CETN2: variants seen among roughly 807,000 people sequenced by gnomAD.
CETN2 encodes centrin 2, also known as centrin-2.
A neutral mutation model predicts 12.6 loss-of-function variants in CETN2; 2 were observed. The observed-to-expected ratio is 0.16, with a 90% CI of 0.07 to 0.50. CETN2 has a LOEUF of 0.50. CETN2 is among the 20% of genes least tolerant of loss of function. CETN2 has a pLI of 0.96. For missense variants in CETN2, 81 were observed against 128.3 expected, an observed-to-expected ratio of 0.63 and a Z score of 1.78; for synonymous variants, 41 against 43.4, an observed-to-expected ratio of 0.94 and a Z score of 0.22.
At chrX:152,829,566 A>T (rs782666074) in intron 2 of CETN2, 36 bp downstream of exon 2, 1 of 1,158,627 alleles carries the variant, frequency 8.6e-7, no homozygotes, top group Admixed American at 2.5e-5. Context: ...GGCAGAGGAA[A>T]GGAAGGGCAG....
chrX:152,827,792 C>T lies in CETN2; in HGVS notation c.*49G>A. The stretch of plus-strand genomic sequence containing the variant: ...AAGCCAGATTTCACACCATGGCAGG[C>T]ACTAAATCTAGTTACATGTGCTTGC... On this transcript the variant is annotated 3_prime_UTR_variant, in exon 5 of 5. Coordinates refer to ENST00000370277, the MANE Select transcript of CETN2 (RefSeq NM_004344.3). 6.7e-6 allele frequency: 7 copies of T among 1,044,277 alleles called. No homozygotes were observed. Among genetic ancestry groups the T allele is most frequent in the Non-Finnish European group, 8.0e-6 (6 of 746,263 alleles). 86.1% of individuals were successfully genotyped at this position (1,044,277 alleles called of 1,213,427 possible).
chrX:152,828,151 G>A (rs6653487), intron 4 of CETN2, among the ~76,000 whole-genome samples: 1 of 111,390 alleles, frequency 9.0e-6, no homozygotes, highest in African/African-American at 3.3e-5. Flanking sequence ...TATGTGAATA[G>A]ATAATTTGTA....
At chrX:152,830,573 C>A in intron 1 of CETN2, 135 bp downstream of exon 1, 1 of 833,287 alleles carries the variant, frequency 1.2e-6, no homozygotes, top group Admixed American at 3.7e-5. Flanking sequence ...GTACCCTACT[C>A]TCCCGGGAAA....
At chrX:152,829,429 A>G (rs1266196911) in intron 2 of CETN2, 152 bp from the exon 3 acceptor site, 12 of 884,714 alleles carry the variant, frequency 1.4e-5, no homozygotes, top group Non-Finnish European at 1.6e-5. Flanking sequence ...TTTGCAATCA[A>G]TTTTATTGAA....
At chrX:152,829,456 T>TAA in intron 2 of CETN2, 146 bp downstream of exon 2, 1 of 897,470 alleles carries the variant, frequency 1.1e-6, no homozygotes, top group African/African-American at 2.0e-5. Context: ...TCAAAGTAAG[T>TAA]AAAGACAGGA....
chrX:152,829,773 T>C lies in CETN2; in HGVS notation c.4-13A>G. ...TAAAGTTGGAGGCCTTTATATGTTA[T>C]GCAATACACAAGCACAATAATATAT... On this transcript the variant is annotated splice_polypyrimidine_tract_variant and intron_variant, in intron 1 of 4. Coordinates refer to ENST00000370277, the MANE Select transcript of CETN2 (RefSeq NM_004344.3). 2 of 1,167,958 alleles carry C rather than the reference T, an allele frequency of 1.7e-6. No homozygotes were observed. The highest frequency in any genetic ancestry group is 3.9e-5 in the South Asian group (2 of 51,478).
Position 152,830,742 on chromosome X carries a change from A to G in CETN2, c.-32T>C. 2 of 1,154,619 alleles carry G rather than the reference A, an allele frequency of 1.7e-6. No homozygotes were observed. The highest frequency in any genetic ancestry group is 2.3e-6 in the Non-Finnish European group (2 of 863,894). ...AGGAGTCCGCTGCCGGTTGTTAGGC[A>G]ACCGACGTGTACACTGACTCGGCGC... On this transcript the variant is annotated 5_prime_UTR_variant, in exon 1 of 5. Coordinates refer to ENST00000370277, the MANE Select transcript of CETN2 (RefSeq NM_004344.3).
Position 152,829,682 on chromosome X carries a change from C to T in CETN2, c.82G>A (p.Glu28Lys). 1 of 1,207,698 alleles carries T rather than the reference C, an allele frequency of 8.3e-7. No individual in the cohort carries two copies. Among genetic ancestry groups the T allele is most frequent in the East Asian group, 3.0e-5 (1 of 33,712 alleles). Residue 28 changes from glutamate (E) to lysine (K), a missense_variant, in exon 2 of 5, where the codon GAG becomes AAG. Coordinates refer to ENST00000370277, the MANE Select transcript of CETN2 (RefSeq NM_004344.3). Reference sequence around the variant, plus strand: ...GCTTCCCGGATCTCCTGCTTTTGCTCTTCAGTAAGCTCAGGCTTAGGGCTC... The same window carrying T: ...GCTTCCCGGATCTCCTGCTTTTGCTTTTCAGTAAGCTCAGGCTTAGGGCTC... ...RMSPKPELTE[E>K]QKQEIREAFD...
Sources: allele counts gnomAD v4.1 joint callset (sites outside exome capture counted in the v4.1 genomes callset), GRCh38; gene constraint gnomAD v4.1.1; transcripts MANE v1.5; gene names NCBI Gene and HGNC (gene_info 2026-07-23, HGNC 2026-07-21).